Variants in UBAC2 observed in about 807,000 individuals in gnomAD.
The protein encoded by UBAC2 is UBA domain containing 2.
In UBAC2, 26 loss-of-function variants were observed where a neutral mutation model predicts 44.0. That is an observed-to-expected ratio of 0.59 (90% CI 0.43 to 0.82). The LOEUF (loss-of-function observed/expected upper bound fraction) is 0.82, where lower values mean the gene tolerates loss of function less well. Ranked by LOEUF, UBAC2 falls within the 40% of genes least tolerant of loss-of-function variation. UBAC2 has a pLI of 0.00. For missense variants in UBAC2, 329 were observed against 419.4 expected, an observed-to-expected ratio of 0.78 and a Z score of 1.88; for synonymous variants, 155 against 154.3, an observed-to-expected ratio of 1.00 and a Z score of -0.04.
In UBAC2 at chr13:99,200,926, C is replaced by T. The variant is rs1327619501; in HGVS notation, c.18C>T (p.Gly6=). 2 of 1,305,684 alleles carry T rather than the reference C, an allele frequency of 1.5e-6. No individual in the cohort carries two copies. Among genetic ancestry groups the T allele is most frequent in the Admixed American group, 3.2e-5 (1 of 31,176 alleles). 80.9% of individuals were successfully genotyped at this position (1,305,684 alleles called of 1,614,324 possible). A position where few individuals can be genotyped will look rare whatever the true frequency, so the allele number is the denominator to read the frequency against. The change falls in exon 1 of 9, where the codon GGC becomes GGT. Residue 6 remains glycine, a synonymous_variant. Coordinates refer to ENST00000403766, the MANE Select transcript of UBAC2 (RefSeq NM_001144072.2). MFTST[G]SSGLYKAPLS... Reference sequence around the variant, plus strand: ...GCGGGACCATGTTCACCAGCACCGGCTCCAGTGGGCTCTGTGAGTACCGGC... The same window carrying T: ...GCGGGACCATGTTCACCAGCACCGGTTCCAGTGGGCTCTGTGAGTACCGGC...
chr13:99,317,103 C>T (rs2044502665), intron 5 of UBAC2, among the ~76,000 whole-genome samples: 1 of 152,186 alleles, frequency 6.6e-6, no homozygotes, highest in South Asian at 2.1e-4. Context: ...GCTTGCCAGC[C>T]TCTTTATCTG....
intron 7 of UBAC2, chr13:99,351,476 C>T (rs1446006381): frequency 2.2e-6 from 1 of 454,594 alleles, no homozygotes; most frequent in Admixed American, 2.4e-5. Context: ...CCACCTGGCC[C>T]TTTACAGAAA....
chr13:99,302,078 A>G (rs2044265187), intron 4 of UBAC2, among the ~76,000 whole-genome samples: 1 of 152,192 alleles, frequency 6.6e-6, no homozygotes, highest in Admixed American at 6.5e-5. Context: ...CAGCTTATAC[A>G]GAGAGGTGAC....
At chr13:99,362,899 A>C (rs969149447) in intron 7 of UBAC2, among the ~76,000 whole-genome samples, 2 of 152,206 alleles carry the variant, frequency 1.3e-5, no homozygotes, top group African/African-American at 4.8e-5. Flanking sequence ...CAGGTAAAGT[A>C]ATTTTTAACC....
At chr13:99,376,701 G>A (rs960620996) in intron 8 of UBAC2, among the ~76,000 whole-genome samples, 4 of 152,196 alleles carry the variant, frequency 2.6e-5, no homozygotes, top group African/African-American at 9.7e-5. Flanking sequence ...ACTAGAGCTG[G>A]CTTCTCAATG....
chr13:99,299,437 T>C (rs1442085337), intron 4 of UBAC2, among the ~76,000 whole-genome samples: 1 of 151,366 alleles, frequency 6.6e-6, no homozygotes, highest in Non-Finnish European at 1.5e-5. Flanking sequence ...TTTTGGGAGG[T>C]AGGGAAGCAA....
At chr13:99,201,567 G>A (rs1407193953) in intron 1 of UBAC2, 2 of 1,613,960 alleles carry the variant, frequency 1.2e-6, no homozygotes, top group Non-Finnish European at 8.5e-7. Flanking sequence ...GTGGTCAGCA[G>A]GTAGGGGGCG....
intron 6 of UBAC2, among the ~76,000 whole-genome samples, chr13:99,332,084 T>C (rs2044722739): frequency 6.6e-6 from 1 of 152,114 alleles, no homozygotes; most frequent in East Asian, 1.9e-4. Flanking sequence ...GCCCCTAGGT[T>C]TGTCCTGTTG....
rs1470081489 is a variant in UBAC2, at chr13:99,335,503, C to T, written c.562-4817C>T. On this transcript the variant is annotated intron_variant, in intron 6 of 8. Transcript: ENST00000403766. ...ACCCCTCTACAGCAAAGACTGCTTT[C>T]TGTGATTCTGTAGTTACCGCAGACA... is the stretch of plus-strand genomic sequence containing the variant. 2.6e-5 allele frequency among the ~76,000 whole-genome samples: 4 copies of T among 152,216 alleles called. No individual in the cohort carries two copies. The East Asian group carries it at 7.7e-4, about 29-fold the overall frequency.
At chr13:99,312,440 A>G (rs1207530949) in intron 4 of UBAC2, among the ~76,000 whole-genome samples, 1 of 152,184 alleles carries the variant, frequency 6.6e-6, no homozygotes, top group Non-Finnish European at 1.5e-5. Context: ...ACTCATTCAT[A>G]TTACCTGCCT....
intron 4 of UBAC2, among the ~76,000 whole-genome samples, chr13:99,280,121 C>T (rs1412152996): frequency 6.6e-6 from 1 of 152,190 alleles, no homozygotes; most frequent in Non-Finnish European, 1.5e-5. Flanking sequence ...TCTGCACTGC[C>T]CCACTCCCCT....
chr13:99,343,186 G>A (rs1419623270), intron 7 of UBAC2, among the ~76,000 whole-genome samples: 1 of 152,250 alleles, frequency 6.6e-6, no homozygotes, highest in Non-Finnish European at 1.5e-5. Context: ...ACCTGGCTTG[G>A]TAACTTGGTG....
intron 4 of UBAC2, among the ~76,000 whole-genome samples, chr13:99,291,709 C>T (rs556477119): frequency 9.9e-5 from 15 of 152,272 alleles, no homozygotes; most frequent in East Asian, 3.9e-4. Context: ...CAAGGGCATA[C>T]GCTCTATATT....
chr13:99,383,893 C>A (rs568257178), intron 8 of UBAC2, among the ~76,000 whole-genome samples: 4 of 152,390 alleles, frequency 2.6e-5, no homozygotes, highest in African/African-American at 9.6e-5. Flanking sequence ...TTCCCTCCCC[C>A]ACCTGCCTCT....
chr13:99,227,594 A>G (rs2043125336), intron 1 of UBAC2, among the ~76,000 whole-genome samples: 2 of 152,318 alleles, frequency 1.3e-5, no homozygotes, highest in South Asian at 4.1e-4. Flanking sequence ...TAACAAAGCC[A>G]CAGGTTTTAT....
At chr13:99,381,667 T>C (rs2045553866) in intron 8 of UBAC2, among the ~76,000 whole-genome samples, 1 of 152,252 alleles carries the variant, frequency 6.6e-6, no homozygotes, top group African/African-American at 2.4e-5. Flanking sequence ...CCACCCAAGA[T>C]TGGAAAGACC....
chr13:99,284,790 G>A (rs971683791), intron 4 of UBAC2, among the ~76,000 whole-genome samples: 2 of 152,188 alleles, frequency 1.3e-5, no homozygotes, highest in African/African-American at 4.8e-5. Flanking sequence ...AAGACTGTAA[G>A]CCAGGACTTA....
chr13:99,205,148 C>T (rs1395068344), intron 1 of UBAC2, among the ~76,000 whole-genome samples: 4 of 152,276 alleles, frequency 2.6e-5, no homozygotes, highest in Middle Eastern at 6.8e-3. Flanking sequence ...GTGATCCGCC[C>T]GCCTCGGCCT....
intron 4 of UBAC2, among the ~76,000 whole-genome samples, chr13:99,273,396 C>A (rs542399369): frequency 6.6e-6 from 1 of 152,274 alleles, no homozygotes; most frequent in Admixed American, 6.5e-5. Flanking sequence ...TGATCCACTC[C>A]TGTTTGGTGA....
Sources: gnomAD v4.1 joint callset for allele counts (sites outside exome capture counted in the v4.1 genomes callset) on GRCh38, gnomAD v4.1.1 for gene constraint, MANE v1.5 for transcripts, NCBI Gene and HGNC (gene_info 2026-07-23, HGNC 2026-07-21) for gene names.